FBXL17: variants seen among roughly 807,000 people sequenced by gnomAD.
FBXL17 encodes the protein F-box and leucine rich repeat protein 17.
FBXL17 carries 22 observed loss-of-function variants against 66.2 expected under a neutral mutation model. The observed-to-expected ratio is 0.33, with a 90% CI of 0.24 to 0.47. The LOEUF is 0.47. Ranked by LOEUF, FBXL17 falls within the 20% of genes least tolerant of loss-of-function variation. The probability of loss-of-function intolerance (pLI) is 1.00; values close to 1 mark genes in which losing one functional copy is unlikely to be tolerated. For synonymous variants in FBXL17, 474 were observed against 400.5 expected, an observed-to-expected ratio of 1.18 and a Z score of -2.19; for missense variants, 878 against 948.2, an observed-to-expected ratio of 0.93 and a Z score of 0.97.
intron 7 of FBXL17, among the ~76,000 whole-genome samples, chr5:107,953,854 A>G (rs1336463137): frequency 6.6e-6 from 1 of 152,216 alleles, no homozygotes; most frequent in Non-Finnish European, 1.5e-5. Context: ...AAACCCTGCA[A>G]AGTAATTAAT....
chr5:107,919,144 T>G (rs1016567584), intron 7 of FBXL17, among the ~76,000 whole-genome samples: 2 of 152,102 alleles, frequency 1.3e-5, no homozygotes, highest in East Asian at 3.8e-4. Flanking sequence ...AGAAAAAAAA[T>G]TGCAGGGTCC....
intron 7 of FBXL17, among the ~76,000 whole-genome samples, chr5:107,999,124 T>A (rs1753605270): frequency 6.6e-6 from 1 of 152,200 alleles, no homozygotes; most frequent in South Asian, 2.1e-4. Flanking sequence ...TAGATGAATA[T>A]CATCATATAT....
intron 8 of FBXL17, chr5:107,878,448 T>C (rs1037555498): frequency 1.5e-5 from 9 of 596,924 alleles, no homozygotes; most frequent in Non-Finnish European, 1.9e-5. Context: ...TTCTACAAGA[T>C]AGGTACTAGT....
chr5:108,366,283 G>T (rs1292731353), intron 2 of FBXL17, among the ~76,000 whole-genome samples: 1 of 151,938 alleles, frequency 6.6e-6, no homozygotes, highest in Non-Finnish European at 1.5e-5. Context: ...TACATATTCT[G>T]TGCCCAATCA....
At chr5:107,946,242 T>C (rs144491766) in intron 7 of FBXL17, among the ~76,000 whole-genome samples, 3,250 of 122,428 alleles carry the variant, frequency 0.027, 73 homozygotes, top group Non-Finnish European at 0.032. Flanking sequence ...TTATTACTTT[T>C]ATCAATCTCA....
chr5:108,029,170 CTAAT>C (rs1754938059), intron 6 of FBXL17, among the ~76,000 whole-genome samples: 1 of 151,992 alleles, frequency 6.6e-6, no homozygotes, highest in Non-Finnish European at 1.5e-5. Context: ...TTATACAAAA[CTAAT>C]TAATCCTGCA....
intron 6 of FBXL17, among the ~76,000 whole-genome samples, chr5:108,159,898 C>T (rs764947900): frequency 1.3e-5 from 2 of 152,210 alleles, no homozygotes; most frequent in Middle Eastern, 3.4e-3. Context: ...GATAAATCAA[C>T]TTAGGTCCCA....
At chr5:108,038,667 A>G (rs1159451804) in intron 6 of FBXL17, among the ~76,000 whole-genome samples, 1 of 152,122 alleles carries the variant, frequency 6.6e-6, no homozygotes, top group African/African-American at 2.4e-5. Flanking sequence ...TATGAACACA[A>G]AAGAGAGATA....
At chr5:108,095,555 A>C (rs286820) in intron 6 of FBXL17, among the ~76,000 whole-genome samples, 115,317 of 151,946 alleles carry the variant, frequency 0.76, 44,025 homozygotes, top group East Asian at 0.92. Flanking sequence ...AAAATATTTT[A>C]GAGCATCTGT....
chr5:108,132,298 C>A (rs1371071306), intron 6 of FBXL17, among the ~76,000 whole-genome samples: 2 of 152,060 alleles, frequency 1.3e-5, no homozygotes, highest in Non-Finnish European at 2.9e-5. Context: ...TTAAGAAATG[C>A]AAAAGTGTGA....
intron 6 of FBXL17, among the ~76,000 whole-genome samples, chr5:108,129,901 C>G (rs1253633732): frequency 6.7e-6 from 1 of 149,274 alleles, no homozygotes; most frequent in Non-Finnish European, 1.5e-5. Flanking sequence ...TCTAAATAAC[C>G]CATTTTTTAA....
chr5:108,198,842 T>C (rs145424068), intron 5 of FBXL17, among the ~76,000 whole-genome samples: 34 of 152,296 alleles, frequency 2.2e-4, no homozygotes, highest in African/African-American at 7.0e-4. Context: ...ACAGGGAGTA[T>C]ATCAGTTATC....
At chr5:108,046,852 G>A (rs899948966) in intron 6 of FBXL17, among the ~76,000 whole-genome samples, 1 of 152,122 alleles carries the variant, frequency 6.6e-6, no homozygotes, top group East Asian at 1.9e-4. Context: ...AAATACTATT[G>A]TATTTACCCA....
intron 7 of FBXL17, among the ~76,000 whole-genome samples, chr5:107,966,032 T>C (rs1458621596): frequency 6.6e-6 from 1 of 152,138 alleles, no homozygotes; most frequent in East Asian, 1.9e-4. Flanking sequence ...TTTTCCCTGA[T>C]TTTACACCTT....
rs183886356 is a variant in FBXL17 at position 108,296,790 on chromosome 5, C to A, written c.1506+51609G>T. Among the ~76,000 whole-genome samples the A allele has an allele frequency of 1.3e-3, 195 of 151,644 alleles. 7 individuals carry two copies. The South Asian group carries it at 0.038, about 29-fold the overall frequency. ...AAAATATCTTTTAAAATGAAAACTT[C>A]ATTTACTAATACATACTTCGACAGT... On this transcript the variant is annotated intron_variant, in intron 4 of 8. Transcript: ENST00000542267.
At chr5:108,183,077 G>C (rs1580570935) in intron 6 of FBXL17, among the ~76,000 whole-genome samples, 1 of 101,000 alleles carries the variant, frequency 9.9e-6, no homozygotes, top group Non-Finnish European at 1.8e-5. Context: ...TTTCGCTCTT[G>C]TCGCCCAGGC....
chr5:107,969,249 C>T (rs976080927), intron 7 of FBXL17, among the ~76,000 whole-genome samples: 1 of 152,090 alleles, frequency 6.6e-6, no homozygotes, highest in Non-Finnish European at 1.5e-5. Context: ...GCTTTCCATA[C>T]CGCATGGGGT....
chr5:107,861,772 T>C lies in FBXL17; in HGVS notation c.2054A>G (p.Glu685Gly), dbSNP rs373905015. Residue 685 changes from glutamate to glycine, a missense_variant, in exon 9 of 9, where the codon GAG (glutamate) becomes GGG (glycine). By Grantham distance (98) the Glu-to-Gly change is moderately conservative. Around this residue, in one of 4 missense-constraint regions of FBXL17, gnomAD observed 31 missense variants for 27.0 expected, o/e 1.15. Coordinates refer to ENST00000542267, the MANE Select transcript of FBXL17 (RefSeq NM_001163315.3). ...GGTCCAGCCCATCTGATAGGCTCTC[T>C]CCAAGGTCCTCTTGCAGTCCTGCAG... ...TVLQDCKRTL[E>G]RAYQMGWTPN... The C allele has an allele frequency of 5.0e-5, 80 of 1,588,278 alleles. No individual in the cohort carries two copies. The highest frequency in any genetic ancestry group is 6.6e-5 in the Non-Finnish European group (77 of 1,165,202).
intron 6 of FBXL17, among the ~76,000 whole-genome samples, chr5:108,177,900 G>GA (rs11434163): frequency 0.65 from 82,532 of 127,198 alleles, 28,061 homozygotes; most frequent in East Asian, 0.92. Context: ...CCTTGCTCCA[G>GA]AAAAAAAAAT....
Sources: gnomAD v4.1 joint callset for allele counts (sites outside exome capture counted in the v4.1 genomes callset) on GRCh38, gnomAD v4.1.1 for gene constraint, gnomAD v4.1.1 regional missense constraint, MANE v1.5 for transcripts, NCBI Gene and HGNC (gene_info 2026-07-23, HGNC 2026-07-21) for gene names.